MB21D2: variants seen among roughly 807,000 people sequenced by gnomAD.
The protein encoded by MB21D2 is Mab-21 domain containing 2, also known as nucleotidyltransferase MB21D2.
A neutral mutation model predicts 33.3 loss-of-function variants in MB21D2; 9 were observed. That is an observed-to-expected ratio of 0.27 (90% CI 0.16 to 0.47). The LOEUF is 0.47. Among genes scored for constraint, MB21D2 ranks in the 20% least tolerant of loss-of-function variants. MB21D2 has a pLI of 0.99. For missense variants in MB21D2, 540 were observed against 624.6 expected, an observed-to-expected ratio of 0.86 and a Z score of 1.44; for synonymous variants, 241 against 236.3, an observed-to-expected ratio of 1.02 and a Z score of -0.18.
At chr3:192,860,230 A>G (rs1713011860) in intron 1 of MB21D2, among the ~76,000 whole-genome samples, 2 of 152,180 alleles carry the variant, frequency 1.3e-5, no homozygotes, top group Non-Finnish European at 2.9e-5. Context: ...CGACCCAGAA[A>G]AGCCAACCAG....
intron 1 of MB21D2, among the ~76,000 whole-genome samples, chr3:192,819,369 G>C (rs1196996867): frequency 6.6e-6 from 1 of 152,198 alleles, no homozygotes; most frequent in East Asian, 1.9e-4. Context: ...CACGGCAAGG[G>C]TGGTTTCCAA....
Position 192,800,896 on chromosome 3 carries a change from A to T in MB21D2, c.212-1246T>A, listed in dbSNP as rs560628270. On this transcript the variant is annotated intron_variant, in intron 1 of 1. Coordinates refer to ENST00000392452, the MANE Select transcript of MB21D2 (RefSeq NM_178496.4). The stretch of plus-strand genomic sequence containing the variant: ...CTACTGACAATATTTATTGCCAATG[A>T]TAAAGCTGAAATTTCTAAGGGAAAA... 2.0e-5 allele frequency among the ~76,000 whole-genome samples: 3 copies of T among 152,372 alleles called. No individual in the cohort carries two copies. The South Asian group carries it at 6.2e-4, about 32-fold the overall frequency.
intron 1 of MB21D2, among the ~76,000 whole-genome samples, chr3:192,884,867 T>A (rs989569155): frequency 2.6e-5 from 4 of 152,088 alleles, no homozygotes; most frequent in Non-Finnish European, 5.9e-5. Context: ...AATCCATGAA[T>A]CACTCAGGAA....
At position 192,799,519 on chromosome 3, in the gene MB21D2, C is replaced by T. The variant is rs761918224; in HGVS notation, c.343G>A (p.Asp115Asn). 2 of 1,614,202 alleles carry T rather than the reference C, an allele frequency of 1.2e-6. No homozygotes were observed. The highest frequency in any genetic ancestry group is 1.7e-6 in the Non-Finnish European group (2 of 1,180,042). Residue 115 changes from aspartate to asparagine, a missense_variant, in exon 2 of 2, where the codon GAT becomes AAT. Transcript: ENST00000392452. The surrounding 1 kb of genome is among the most constrained non-coding windows in gnomAD (Gnocchi z 4.1). ...LNVYARGTDY[D>N]MDFTLLVPAL... Reference sequence around the variant, plus strand: ...GGCACCAAGAGGGTAAAGTCCATATCATAGTCAGTACCCCGGGCATAGACA... The same window carrying T: ...GGCACCAAGAGGGTAAAGTCCATATTATAGTCAGTACCCCGGGCATAGACA...
chr3:192,903,686 C>A (rs1714148571), intron 1 of MB21D2, among the ~76,000 whole-genome samples: 1 of 152,128 alleles, frequency 6.6e-6, no homozygotes, highest in African/African-American at 2.4e-5. Flanking sequence ...GAAATGTAAT[C>A]CCCAGAGTTA....
intron 1 of MB21D2, among the ~76,000 whole-genome samples, chr3:192,847,039 T>A (rs541017723): frequency 6.6e-6 from 1 of 152,108 alleles, no homozygotes; most frequent in African/African-American, 2.4e-5. Flanking sequence ...CTCATCACCA[T>A]AGGGAAGCAG....
intron 1 of MB21D2, among the ~76,000 whole-genome samples, chr3:192,894,253 G>A (rs142815902): frequency 2.6e-5 from 4 of 151,552 alleles, no homozygotes; most frequent in African/African-American, 9.7e-5. Flanking sequence ...CTCAGCCTCA[G>A]GAGTAGCTGG....
At chr3:192,851,085 G>C (rs1309344583) in intron 1 of MB21D2, among the ~76,000 whole-genome samples, 2 of 152,058 alleles carry the variant, frequency 1.3e-5, no homozygotes, top group Non-Finnish European at 2.9e-5. Context: ...GAATTTAAAA[G>C]GTAAAGCTCA....
chr3:192,865,136 G>A (rs184410425), intron 1 of MB21D2, among the ~76,000 whole-genome samples: 10 of 152,278 alleles, frequency 6.6e-5, no homozygotes, highest in African/African-American at 1.9e-4. Flanking sequence ...AGTGTGTCGC[G>A]CTTGACAGCT....
At chr3:192,896,290 C>G (rs1713971095) in intron 1 of MB21D2, among the ~76,000 whole-genome samples, 1 of 152,138 alleles carries the variant, frequency 6.6e-6, no homozygotes, top group Admixed American at 6.6e-5. Context: ...CCCACACAAG[C>G]TGTAACAGGT....
At chr3:192,889,721 T>C (rs1004983008) in intron 1 of MB21D2, among the ~76,000 whole-genome samples, 3 of 152,084 alleles carry the variant, frequency 2.0e-5, no homozygotes, top group Non-Finnish European at 4.4e-5. Flanking sequence ...GAAAAATCCA[T>C]GTATGCAGAG....
intron 1 of MB21D2, among the ~76,000 whole-genome samples, chr3:192,842,697 G>C (rs1712600217): frequency 6.6e-6 from 1 of 152,140 alleles, no homozygotes; most frequent in African/African-American, 2.4e-5. Context: ...AACAATATTA[G>C]TATTATCAAT....
intron 1 of MB21D2, among the ~76,000 whole-genome samples, chr3:192,855,645 G>A (rs1277819250): frequency 2.0e-5 from 3 of 152,200 alleles, no homozygotes; most frequent in African/African-American, 4.8e-5. Flanking sequence ...AAACACAGAA[G>A]TGCCAGGATT....
chr3:192,909,129 G>A (rs987561596), intron 1 of MB21D2, among the ~76,000 whole-genome samples: 12 of 151,572 alleles, frequency 7.9e-5, no homozygotes, highest in Non-Finnish European at 1.3e-4. Context: ...GGTGGCGGGC[G>A]CCTGTAGTCC....
At chr3:192,817,574 G>A (rs1711955605) in intron 1 of MB21D2, among the ~76,000 whole-genome samples, 1 of 152,140 alleles carries the variant, frequency 6.6e-6, no homozygotes, top group Non-Finnish European at 1.5e-5. Flanking sequence ...TCATTAAACA[G>A]GTACCACCAG....
At chr3:192,812,953 T>C (rs939794694) in intron 1 of MB21D2, among the ~76,000 whole-genome samples, 2 of 152,212 alleles carry the variant, frequency 1.3e-5, no homozygotes, top group African/African-American at 2.4e-5. Context: ...ATCCACACTC[T>C]ACTCATTTAC....
intron 1 of MB21D2, among the ~76,000 whole-genome samples, chr3:192,898,813 T>A (rs1714031293): frequency 6.6e-6 from 1 of 152,212 alleles, no homozygotes; most frequent in Non-Finnish European, 1.5e-5. Context: ...TTTGACCTGT[T>A]CTAGGCTGGC....
chr3:192,880,659 A>G lies in MB21D2; in HGVS notation c.211+36971T>C, dbSNP rs1447544120. ...TCTCAAGGAGCTGACAGCTAGCAAG[A>G]GGCTGTCTGCAGAGTGCACCACCTG... On this transcript the variant is annotated intron_variant, in intron 1 of 1. Transcript: ENST00000392452. Among the ~76,000 whole-genome samples the G allele has an allele frequency of 1.3e-5, 2 of 152,090 alleles. 1 individual carries two copies. The highest frequency in any genetic ancestry group is 4.8e-5 in the African/African-American group (2 of 41,352).
chr3:192,857,959 T>C (rs1712954797), intron 1 of MB21D2, among the ~76,000 whole-genome samples: 2 of 152,094 alleles, frequency 1.3e-5, no homozygotes, highest in Admixed American at 1.3e-4. Flanking sequence ...ACCCTATCTC[T>C]ACTAAAATTA....
Sources: gnomAD v4.1 joint callset for allele counts (sites outside exome capture counted in the v4.1 genomes callset) on GRCh38, gnomAD v4.1.1 for gene constraint, Gnocchi (gnomAD v3.1) non-coding constraint, MANE v1.5 for transcripts, NCBI Gene and HGNC (gene_info 2026-07-23, HGNC 2026-07-21) for gene names.